Variants in LRP1B observed in about 807,000 individuals in gnomAD.
LRP1B encodes LDL receptor related protein 1B.
A neutral mutation model predicts 556.6 loss-of-function variants in LRP1B; 217 were observed. The ratio of observed to expected loss-of-function variants is 0.39; its 90% confidence interval spans 0.35 to 0.44. LRP1B has a LOEUF of 0.44. LRP1B is among the 20% of genes least tolerant of loss of function. LRP1B has a pLI of 1.00. For synonymous variants in LRP1B, 2,047 were observed against 1,865.8 expected (o/e 1.10, Z -2.50); for missense variants, 5,053 against 5,620.8 (o/e 0.90, Z 3.23).
intron 7 of LRP1B, among the ~76,000 whole-genome samples, chr2:141,133,886 C>A (rs1701424335): frequency 6.6e-6 from 1 of 151,910 alleles, no homozygotes; most frequent in South Asian, 2.1e-4. Flanking sequence ...AGATCCTATT[C>A]CTAATTCCCT....
At chr2:140,784,038 T>C (rs1689797595) in intron 32 of LRP1B, among the ~76,000 whole-genome samples, 1 of 152,208 alleles carries the variant, frequency 6.6e-6, no homozygotes, top group African/African-American at 2.4e-5. Context: ...GATGTGCTGA[T>C]GCTGCTGGCC....
rs1559131621 is a variant in LRP1B, at chr2:141,544,396, C to CCTCCTT, written c.206-63864_206-63863insAAGGAG. ...TTCTTCTTCTTCTCCTCCTCCTCCTCCTCCTCCTCCTCCTCCTTCTCCTCC... is the reference window on the plus strand; with the variant it reads ...TTCTTCTTCTTCTCCTCCTCCTCCTCCTCCTTCTCCTCCTCCTCCTCCTTCTCCTCC... On this transcript the variant is annotated intron_variant, in intron 2 of 90. Coordinates refer to ENST00000389484, the MANE Select transcript of LRP1B (RefSeq NM_018557.3). Among the ~76,000 whole-genome samples, 26 of 51,888 alleles carry CCTCCTT rather than the reference C, an allele frequency of 5.0e-4. 2 individuals carry two copies. The highest frequency in any genetic ancestry group is 1.4e-3 in the African/African-American group (21 of 15,386). 34.0% of individuals were successfully genotyped at this position (51,888 alleles called of 152,430 possible).
At chr2:141,077,547 G>C (rs4954690) in intron 7 of LRP1B, among the ~76,000 whole-genome samples, 128,749 of 152,148 alleles carry the variant, frequency 0.85, 54,848 homozygotes, top group Non-Finnish European at 0.89. Context: ...GCTGTTTTGA[G>C]GGTACTTCGT....
chr2:140,462,432 G>A (rs190584092), intron 60 of LRP1B, among the ~76,000 whole-genome samples: 2 of 152,292 alleles, frequency 1.3e-5, no homozygotes, highest in African/African-American at 4.8e-5. Flanking sequence ...TACCAGGTCT[G>A]TTACCAGAAG....
rs186855425 is a variant in LRP1B at position 140,804,454 on chromosome 2, T to C, written c.5359+9203A>G. Among the ~76,000 whole-genome samples, 12 of 151,772 alleles carry C rather than the reference T, an allele frequency of 7.9e-5. No individual in the cohort carries two copies. In the East Asian group the frequency reaches 2.3e-3, roughly 29 times the overall value. On this transcript the variant is annotated intron_variant, in intron 32 of 90. Coordinates refer to ENST00000389484, the MANE Select transcript of LRP1B (RefSeq NM_018557.3). ...TTTTTAAATTTTTCTCTTATTTAAG[T>C]GTATCATATTAAGTATATCTTAGAA... is the stretch of plus-strand genomic sequence containing the variant.
intron 41 of LRP1B, among the ~76,000 whole-genome samples, chr2:140,688,886 A>G (rs1021116703): frequency 6.6e-6 from 1 of 152,162 alleles, no homozygotes; most frequent in Admixed American, 6.6e-5. Flanking sequence ...CATCTGACCC[A>G]CCAGCTGGTT....
chr2:140,403,435 C>T (rs1397465939), intron 66 of LRP1B, among the ~76,000 whole-genome samples: 1 of 151,916 alleles, frequency 6.6e-6, no homozygotes, highest in Non-Finnish European at 1.5e-5. Context: ...AATAACCAAC[C>T]AGAACTTCTG....
intron 42 of LRP1B, among the ~76,000 whole-genome samples, chr2:140,600,956 T>A (rs1682642558): frequency 6.6e-6 from 1 of 151,776 alleles, no homozygotes; most frequent in South Asian, 2.1e-4. Context: ...TGTAGACTAC[T>A]TAGACTATTA....
rs539811805 is a variant in LRP1B, at chr2:141,742,833, C to T, written c.205+67446G>A. Among the ~76,000 whole-genome samples, 5 of 152,198 alleles carry T rather than the reference C, an allele frequency of 3.3e-5. No individual in the cohort carries two copies. The East Asian group carries it at 7.8e-4, about 24-fold the overall frequency. On this transcript the variant is annotated intron_variant, in intron 2 of 90. Coordinates refer to ENST00000389484, the MANE Select transcript of LRP1B (RefSeq NM_018557.3). The stretch of plus-strand genomic sequence containing the variant: ...TTTCATTGTACAAGCTTTCATTTCT[C>T]TGGTTAAACTAATTCTAGTTATTTT...
chr2:140,636,838 C>T (rs948917048), intron 41 of LRP1B, among the ~76,000 whole-genome samples: 5 of 152,158 alleles, frequency 3.3e-5, no homozygotes, highest in African/African-American at 1.2e-4. Context: ...ATACGGCTTA[C>T]TCCTTTCCAA....
chr2:140,618,828 G>T (rs55921561), intron 41 of LRP1B, among the ~76,000 whole-genome samples: 34,650 of 151,772 alleles, frequency 0.23, 4,285 homozygotes, highest in Admixed American at 0.3. Flanking sequence ...AGTCAGAGTT[G>T]GGGGCAAGAC....
intron 6 of LRP1B, among the ~76,000 whole-genome samples, chr2:141,205,824 A>C (rs1234547379): frequency 6.6e-6 from 1 of 152,320 alleles, no homozygotes; most frequent in East Asian, 1.9e-4. Context: ...GAGATAATAA[A>C]AGACAAACAA....
intron 32 of LRP1B, among the ~76,000 whole-genome samples, chr2:140,787,445 G>A (rs2104977117): frequency 6.6e-6 from 1 of 151,828 alleles, no homozygotes; most frequent in East Asian, 1.9e-4. Flanking sequence ...CCAAGAGGTA[G>A]GATTCACCTG....
chr2:141,768,129 T>A (rs1349337122), intron 2 of LRP1B, among the ~76,000 whole-genome samples: 1 of 152,138 alleles, frequency 6.6e-6, no homozygotes, highest in Non-Finnish European at 1.5e-5. Context: ...CAAAATAAGA[T>A]CGTGTGCATT....
intron 32 of LRP1B, among the ~76,000 whole-genome samples, chr2:140,777,926 A>T (rs199996724): frequency 6.6e-6 from 1 of 151,308 alleles, no homozygotes; most frequent in African/African-American, 2.4e-5. Context: ...GGAAAAAAGT[A>T]AAAAAAAGAT....
chr2:142,117,342 A>G (rs1707308293), intron 1 of LRP1B, among the ~76,000 whole-genome samples: 1 of 152,168 alleles, frequency 6.6e-6, no homozygotes, highest in African/African-American at 2.4e-5. Flanking sequence ...ACAGAAATGC[A>G]GGATTCATCC....
chr2:141,558,288 T>C (rs73965708), intron 2 of LRP1B, among the ~76,000 whole-genome samples: 1,750 of 151,930 alleles, frequency 0.012, 32 homozygotes, highest in African/African-American at 0.04. Flanking sequence ...AGTAAAGTTA[T>C]GTTAGGAAAG....
rs374849376 is a variant in LRP1B at position 141,123,268 on chromosome 2, A to AG, written c.1014-60996_1014-60995insC. Among the ~76,000 whole-genome samples, 76 of 147,194 alleles carry AG rather than the reference A, an allele frequency of 5.2e-4. 1 individual carries two copies. The highest frequency in any genetic ancestry group is 2.5e-3 in the East Asian group (12 of 4,854). ...AAAAAAAATAAATAAATAAATAAAA[A>AG]AAAGAAAGTAAATCCTTAAAACAAC... On this transcript the variant is annotated intron_variant, in intron 7 of 90. Coordinates refer to ENST00000389484, the MANE Select transcript of LRP1B (RefSeq NM_018557.3).
At chr2:141,057,517 ACCC>A (rs1699211388) in intron 9 of LRP1B, among the ~76,000 whole-genome samples, 1 of 151,454 alleles carries the variant, frequency 6.6e-6, no homozygotes, top group African/African-American at 2.4e-5. Flanking sequence ...GTTGGGGGGG[ACCC>A]AGTAGGAGGT....
Sources: allele counts gnomAD v4.1 joint callset (sites outside exome capture counted in the v4.1 genomes callset), GRCh38; gene constraint gnomAD v4.1.1; transcripts MANE v1.5; gene names NCBI Gene and HGNC (gene_info 2026-07-23, HGNC 2026-07-21).